The following KAZN variants were observed in gnomAD, a reference collection of about 807,000 sequenced individuals.
KAZN encodes the protein kazrin, periplakin interacting protein, also known as kazrin.
In KAZN, 40 loss-of-function variants were observed where a neutral mutation model predicts 87.4. The ratio of observed to expected loss-of-function variants is 0.46; its 90% CI spans 0.36 to 0.60. The LOEUF is 0.60. Ranked by LOEUF, KAZN falls within the 20% of genes least tolerant of loss-of-function variation. KAZN has a pLI of 0.00. For missense variants in KAZN, 898 were observed against 1,073.9 expected, an observed-to-expected ratio of 0.84 and a Z score of 2.29; for synonymous variants, 466 against 458.3, an observed-to-expected ratio of 1.02 and a Z score of -0.22.
At chr1:14,875,151 G>T (rs562605794) in intron 1 of KAZN, among the ~76,000 whole-genome samples, 1 of 151,874 alleles carries the variant, frequency 6.6e-6, no homozygotes, top group South Asian at 2.1e-4. Flanking sequence ...GACCAACATG[G>T]AGAAACCCCG....
At chr1:14,119,601 A>G (rs16849665) in intron 1 of KAZN, among the ~76,000 whole-genome samples, 2,923 of 152,274 alleles carry the variant, frequency 0.019, 99 homozygotes, top group African/African-American at 0.066. Context: ...AGCTAGTAAC[A>G]GACAAGGGCT....
At chr1:14,239,716 TC>T (rs1244737299) in intron 2 of KAZN, among the ~76,000 whole-genome samples, 1 of 151,990 alleles carries the variant, frequency 6.6e-6, no homozygotes, top group Non-Finnish European at 1.5e-5. Context: ...TGTCTCAGCC[TC>T]CCAAAGTGCT....
At chr1:14,560,274 G>A (rs1674170668) in intron 2 of KAZN, among the ~76,000 whole-genome samples, 1 of 152,184 alleles carries the variant, frequency 6.6e-6, no homozygotes, top group Admixed American at 6.5e-5. Context: ...AGGGCGGCAT[G>A]AGGATTCCCA....
chr1:14,145,071 T>C (rs1309546961), intron 1 of KAZN, among the ~76,000 whole-genome samples: 1 of 152,222 alleles, frequency 6.6e-6, no homozygotes, highest in Non-Finnish European at 1.5e-5. Flanking sequence ...ATAGCTCTTC[T>C]AGGATAAGGT....
Position 14,067,597 on chromosome 1 carries a change from G to T in KAZN, c.92-112838G>T, listed in dbSNP as rs1643059899. On this transcript the variant is annotated intron_variant, in intron 1 of 16. Coordinates refer to the KAZN transcript ENST00000636203. Reference sequence around the variant, plus strand: ...GCCTCATGCTGCTCTGTAAACGCTTGTTAAGTGGTATTTGCTTCTTCCACC... The same window carrying T: ...GCCTCATGCTGCTCTGTAAACGCTTTTTAAGTGGTATTTGCTTCTTCCACC... Among the ~76,000 whole-genome samples the T allele has an allele frequency of 2.6e-5, 4 of 152,084 alleles. No individual in the cohort carries two copies. In the South Asian group the frequency reaches 8.3e-4, roughly 32 times the overall value.
In KAZN at chr1:14,983,652, C is replaced by T. The variant is rs1342829753; in HGVS notation, c.418+22777C>T. ...GTCTTTGTAGGATACATTCTAAAGC[C>T]TAAGAGAGGCCGGGCGTGGTGGCTC... On this transcript the variant is annotated intron_variant, in intron 2 of 14. Transcript: ENST00000376030. Among the ~76,000 whole-genome samples, 7 of 152,276 alleles carry T rather than the reference C, an allele frequency of 4.6e-5. No individual in the cohort carries two copies. In the East Asian group the frequency reaches 1.2e-3, roughly 25 times the overall value.
intron 1 of KAZN, among the ~76,000 whole-genome samples, chr1:14,702,842 C>A (rs1642009313): frequency 6.6e-6 from 1 of 152,074 alleles, no homozygotes; most frequent in African/African-American, 2.4e-5. Context: ...ACTGTTTTTT[C>A]TTTCTTCCCC....
chr1:14,510,270 C>T (rs1001289667), intron 2 of KAZN, among the ~76,000 whole-genome samples: 5 of 151,606 alleles, frequency 3.3e-5, no homozygotes, highest in African/African-American at 7.3e-5. Context: ...CCCAGCTACT[C>T]GGGTGGCAGA....
intron 1 of KAZN, among the ~76,000 whole-genome samples, chr1:14,636,694 C>T (rs533673830): frequency 6.6e-6 from 1 of 152,316 alleles, no homozygotes; most frequent in African/African-American, 2.4e-5. Flanking sequence ...GAGACGCTCG[C>T]TCCAAGTTGC....
intron 2 of KAZN, among the ~76,000 whole-genome samples, chr1:14,409,333 C>T (rs985301873): frequency 2.0e-5 from 3 of 152,204 alleles, no homozygotes; most frequent in Admixed American, 1.3e-4. Context: ...TGAGTGTATC[C>T]ACATGAAGCC....
intron 1 of KAZN, among the ~76,000 whole-genome samples, chr1:14,728,752 C>G (rs1483075413): frequency 6.6e-6 from 1 of 152,232 alleles, no homozygotes; most frequent in Non-Finnish European, 1.5e-5. Flanking sequence ...GATCCTGCCT[C>G]TGGCATCTCA....
chr1:14,260,363 A>G (rs1217349629), intron 2 of KAZN, among the ~76,000 whole-genome samples: 4 of 152,184 alleles, frequency 2.6e-5, no homozygotes, highest in Non-Finnish European at 5.9e-5. Flanking sequence ...GATGGTCTGG[A>G]CATTTGAGCA....
chr1:14,284,448 C>A (rs1021623152), intron 2 of KAZN, among the ~76,000 whole-genome samples: 2 of 102,356 alleles, frequency 2.0e-5, no homozygotes, highest in Non-Finnish European at 5.5e-5. Flanking sequence ...GTGGTGAGCC[C>A]CGGGTTCCAA....
At chr1:14,446,861 T>C (rs1238111646) in intron 2 of KAZN, among the ~76,000 whole-genome samples, 4 of 151,998 alleles carry the variant, frequency 2.6e-5, no homozygotes, top group African/African-American at 7.3e-5. Context: ...TTATTTCAGC[T>C]GGAAAATTGT....
At chr1:14,493,817 C>T (rs1669804694) in intron 2 of KAZN, among the ~76,000 whole-genome samples, 1 of 152,178 alleles carries the variant, frequency 6.6e-6, no homozygotes, top group Non-Finnish European at 1.5e-5. Flanking sequence ...AGTCATTAAT[C>T]TGCAATGATG....
chr1:14,174,559 A>C (rs1164497982), intron 1 of KAZN, among the ~76,000 whole-genome samples: 1 of 152,220 alleles, frequency 6.6e-6, no homozygotes, highest in Non-Finnish European at 1.5e-5. Flanking sequence ...TTAGATGTGG[A>C]AAATTTTGAG....
chr1:14,304,472 C>A, intron 2 of KAZN: 1 of 395,624 alleles, frequency 2.5e-6, no homozygotes, highest in Non-Finnish European at 4.5e-6. Context: ...GTCTGACTAT[C>A]TTCACTAAGC....
At chr1:14,446,344 G>A (rs2148322851) in intron 2 of KAZN, among the ~76,000 whole-genome samples, 1 of 152,242 alleles carries the variant, frequency 6.6e-6, no homozygotes, top group South Asian at 2.1e-4. Context: ...ATGTTCCCAG[G>A]GCCCAGTACA....
chr1:14,041,668 T>C (rs528720266), intron 1 of KAZN, among the ~76,000 whole-genome samples: 1 of 152,322 alleles, frequency 6.6e-6, no homozygotes, highest in Non-Finnish European at 1.5e-5. Flanking sequence ...TCCCTTTACC[T>C]TTCTCCTGTG....
Sources: allele counts gnomAD v4.1 joint callset (sites outside exome capture counted in the v4.1 genomes callset), GRCh38; gene constraint gnomAD v4.1.1; transcripts MANE v1.5; gene names NCBI Gene and HGNC (gene_info 2026-07-23, HGNC 2026-07-21).